DOK6: variants seen among roughly 807,000 people sequenced by gnomAD.
DOK6 encodes docking protein 6.
In DOK6, 22 loss-of-function variants were observed where a neutral mutation model predicts 44.0. The ratio of observed to expected loss-of-function variants is 0.50; its 90% CI spans 0.36 to 0.71. The LOEUF (loss-of-function observed/expected upper bound fraction) is 0.71. Ranked by LOEUF, DOK6 falls within the 30% of genes least tolerant of loss-of-function variation. The pLI is 0.00. For synonymous variants in DOK6, 166 were observed against 145.5 expected, an observed-to-expected ratio of 1.14 and a Z score of -1.01; for missense variants, 340 against 416.4, an observed-to-expected ratio of 0.82 and a Z score of 1.60.
At chr18:69,464,379 C>T (rs1207826724) in intron 1 of DOK6, among the ~76,000 whole-genome samples, 1 of 152,192 alleles carries the variant, frequency 6.6e-6, no homozygotes, top group Non-Finnish European at 1.5e-5. Context: ...TTAGGGTCCA[C>T]TTTCCTCTTC....
At chr18:69,659,010 A>G (rs1487285518) in intron 3 of DOK6, among the ~76,000 whole-genome samples, 1 of 152,230 alleles carries the variant, frequency 6.6e-6, no homozygotes, top group African/African-American at 2.4e-5. Flanking sequence ...GAATATTTGA[A>G]AACACATTAA....
At chr18:69,658,711 GCTGT>G (rs1484850710) in intron 3 of DOK6, among the ~76,000 whole-genome samples, 2 of 150,810 alleles carry the variant, frequency 1.3e-5, no homozygotes, top group Non-Finnish European at 2.9e-5. Flanking sequence ...GTCTTTTTCT[GCTGT>G]CTTTTTCTCA....
chr18:69,676,354 A>C (rs1030453044), intron 3 of DOK6, among the ~76,000 whole-genome samples: 17 of 152,218 alleles, frequency 1.1e-4, no homozygotes, highest in Non-Finnish European at 2.2e-4. Flanking sequence ...CATTGATGAA[A>C]CTTATTTTTG....
chr18:69,613,627 A>T (rs570927048), intron 3 of DOK6, among the ~76,000 whole-genome samples: 1 of 151,440 alleles, frequency 6.6e-6, no homozygotes, highest in South Asian at 2.1e-4. Context: ...TTTCTCTTAT[A>T]AAAAAAATAG....
At chr18:69,600,406 T>C (rs1223580571) in intron 3 of DOK6, among the ~76,000 whole-genome samples, 1 of 152,204 alleles carries the variant, frequency 6.6e-6, no homozygotes, top group East Asian at 1.9e-4. Context: ...GTTCCTCTTT[T>C]CTTGCGTGCC....
At position 69,599,510 on chromosome 18, in the gene DOK6, T is replaced by A. The variant is rs1028955241; in HGVS notation, c.289+12T>A. ...TGCCTGTGAGTCAGGTAAGCTATTA[T>A]TGGCCATCTACCCCTTGAGGAAATT... On this transcript the variant is annotated intron_variant, in intron 3 of 7. Coordinates refer to ENST00000382713, the MANE Select transcript of DOK6 (RefSeq NM_152721.6). The A allele has an allele frequency of 6.2e-7, 1 of 1,608,890 alleles. No individual in the cohort carries two copies. Among genetic ancestry groups the A allele is most frequent in the Non-Finnish European group, 8.5e-7 (1 of 1,176,000 alleles).
intron 7 of DOK6, among the ~76,000 whole-genome samples, chr18:69,783,366 T>C (rs1238703584): frequency 6.6e-6 from 1 of 152,212 alleles, no homozygotes; most frequent in Non-Finnish European, 1.5e-5. Context: ...CTCATAATTT[T>C]TATATTGATT....
At chr18:69,759,344 A>G (rs1213520617) in intron 7 of DOK6, among the ~76,000 whole-genome samples, 1 of 152,206 alleles carries the variant, frequency 6.6e-6, no homozygotes, top group Non-Finnish European at 1.5e-5. Context: ...CTTGTAATAT[A>G]AGATTTTTAT....
chr18:69,571,530 A>C (rs1394146118), intron 2 of DOK6, among the ~76,000 whole-genome samples: 1 of 152,090 alleles, frequency 6.6e-6, no homozygotes, highest in Admixed American at 6.6e-5. Context: ...ATGCAAATGG[A>C]TGGAAAAAAT....
chr18:69,411,379 G>T (rs1039511314), intron 1 of DOK6, among the ~76,000 whole-genome samples: 2 of 152,146 alleles, frequency 1.3e-5, no homozygotes, highest in African/African-American at 4.8e-5. Flanking sequence ...AGATTGTAGT[G>T]AAATAGGACT....
intron 7 of DOK6, among the ~76,000 whole-genome samples, chr18:69,772,540 T>C (rs1431143880): frequency 6.6e-6 from 1 of 152,018 alleles, no homozygotes; most frequent in African/African-American, 2.4e-5. Context: ...TGGAACATAA[T>C]AGCCCAGAAA....
chr18:69,447,955 C>G (rs1279635389), intron 1 of DOK6, among the ~76,000 whole-genome samples: 2 of 152,154 alleles, frequency 1.3e-5, no homozygotes, highest in African/African-American at 4.8e-5. Context: ...TTGGTTCAGA[C>G]AAATTAACTG....
At chr18:69,559,786 G>A (rs1226563591) in intron 1 of DOK6, among the ~76,000 whole-genome samples, 1 of 152,116 alleles carries the variant, frequency 6.6e-6, no homozygotes, top group African/African-American at 2.4e-5. Flanking sequence ...TTCTGGTGAA[G>A]GATTACTTCC....
chr18:69,464,991 A>G (rs1404663066), intron 1 of DOK6, among the ~76,000 whole-genome samples: 2 of 152,214 alleles, frequency 1.3e-5, no homozygotes, highest in Non-Finnish European at 2.9e-5. Context: ...TACATATTGT[A>G]ATTGGTTATT....
At position 69,625,505 on chromosome 18, in the gene DOK6, T is replaced by C. The variant is rs77175510; in HGVS notation, c.289+26007T>C. Among the ~76,000 whole-genome samples the C allele has an allele frequency of 3.0e-3, 459 of 152,328 alleles. 2 individuals are homozygous for C. Among genetic ancestry groups the C allele is most frequent in the Middle Eastern group, 6.8e-3 (2 of 294 alleles). ...GCATTGCAGTCAGATACATCATGTC[T>C]ATTATTGGTAATAAATATTTGTCTT... On this transcript the variant is annotated intron_variant, in intron 3 of 7. Transcript: ENST00000382713.
chr18:69,405,457 A>G (rs1916187212), intron 1 of DOK6, among the ~76,000 whole-genome samples: 1 of 152,092 alleles, frequency 6.6e-6, no homozygotes, highest in Non-Finnish European at 1.5e-5. Context: ...ATGTGTGCCT[A>G]TAGTCCCAGC....
At chr18:69,569,602 G>A (rs1983066213) in intron 2 of DOK6, among the ~76,000 whole-genome samples, 1 of 152,196 alleles carries the variant, frequency 6.6e-6, no homozygotes, top group African/African-American at 2.4e-5. Flanking sequence ...TGAATTATTA[G>A]AATGGGATTT....
intron 6 of DOK6, among the ~76,000 whole-genome samples, chr18:69,757,000 T>TA (rs1979376181): frequency 6.6e-6 from 1 of 152,250 alleles, no homozygotes; most frequent in Non-Finnish European, 1.5e-5. Context: ...TCTGCATTAA[T>TA]AAAAATAAAG....
intron 3 of DOK6, among the ~76,000 whole-genome samples, chr18:69,651,923 T>C (rs1985239480): frequency 7.4e-6 from 1 of 135,576 alleles, no homozygotes; most frequent in Non-Finnish European, 1.7e-5. Context: ...CGATACAAAA[T>C]TTAAAAAGGA....
Sources: allele counts gnomAD v4.1 joint callset (sites outside exome capture counted in the v4.1 genomes callset), GRCh38; gene constraint gnomAD v4.1.1; transcripts MANE v1.5; gene names NCBI Gene and HGNC (gene_info 2026-07-23, HGNC 2026-07-21).